ADIPOR2: variants seen among roughly 807,000 people sequenced by gnomAD.
The protein encoded by ADIPOR2 is adiponectin receptor 2, also known as adiponectin receptor protein 2.
ADIPOR2 carries 18 observed loss-of-function variants against 40.9 expected under a neutral mutation model. The observed-to-expected ratio is 0.44, with a 90% CI of 0.30 to 0.65. The LOEUF is 0.65. Ranked by LOEUF, ADIPOR2 falls within the 30% of genes least tolerant of loss-of-function variation. The pLI is 0.09. For missense variants in ADIPOR2, 283 were observed against 479.2 expected, an observed-to-expected ratio of 0.59 and a Z score of 3.82; for synonymous variants, 165 against 166.4, an observed-to-expected ratio of 0.99 and a Z score of 0.06.
chr12:1,762,433 T>G (rs1862289621), intron 2 of ADIPOR2, among the ~76,000 whole-genome samples: 1 of 152,114 alleles, frequency 6.6e-6, no homozygotes, highest in Admixed American at 6.5e-5. Flanking sequence ...ATCCTCAGAG[T>G]CTAACCTGGT....
chr12:1,754,325 A>G lies in ADIPOR2; in HGVS notation c.-19A>G. The G allele has an allele frequency of 6.4e-7, 1 of 1,570,118 alleles. No homozygotes were observed. Among genetic ancestry groups the G allele is most frequent in the Non-Finnish European group, 8.6e-7 (1 of 1,159,574 alleles). On this transcript the variant is annotated 5_prime_UTR_variant, in exon 2 of 8. Coordinates refer to ENST00000357103, the MANE Select transcript of ADIPOR2 (RefSeq NM_024551.3). ...GGACAGAAAGACAGATCTATTTGTA[A>G]GAAAGGCTTGGGTATCCCATGAACG...
At chr12:1,753,598 T>C (rs1862050101) in intron 1 of ADIPOR2, among the ~76,000 whole-genome samples, 1 of 152,234 alleles carries the variant, frequency 6.6e-6, no homozygotes, top group South Asian at 2.1e-4. Flanking sequence ...ACATTAAGCC[T>C]TTTGAATACA....
Position 1,770,046 on chromosome 12 carries a change from T to C in ADIPOR2, c.172-2796T>C, listed in dbSNP as rs1009241613. 2.6e-5 allele frequency among the ~76,000 whole-genome samples: 4 copies of C among 151,864 alleles called. No individual in the cohort carries two copies. In the East Asian group the frequency reaches 7.7e-4, roughly 29 times the overall value. On this transcript the variant is annotated intron_variant, in intron 2 of 7. Transcript: ENST00000357103. ...GAGTCCTCCCCCTCAGCCTCTTGAG[T>C]AGCTGGGACTGCAGACAGGCACGCA... is the stretch of plus-strand genomic sequence containing the variant.
chr12:1,779,233 A>G (rs1862663552), intron 4 of ADIPOR2, among the ~76,000 whole-genome samples: 1 of 152,262 alleles, frequency 6.6e-6, no homozygotes, highest in Non-Finnish European at 1.5e-5. Context: ...GTTTGCAGCA[A>G]CATTATTCAT....
chr12:1,745,403 C>G (rs1436319816), intron 1 of ADIPOR2, among the ~76,000 whole-genome samples: 4 of 152,190 alleles, frequency 2.6e-5, no homozygotes, highest in African/African-American at 9.6e-5. Context: ...TAGTACCCAT[C>G]AAGCAGAAAG....
intron 1 of ADIPOR2, among the ~76,000 whole-genome samples, chr12:1,729,356 T>G (rs1275895936): frequency 6.6e-6 from 1 of 152,016 alleles, no homozygotes; most frequent in African/African-American, 2.4e-5. Context: ...AGTTTAAAAA[T>G]TATTAAATAT....
At chr12:1,769,704 G>A (rs1862457674) in intron 2 of ADIPOR2, among the ~76,000 whole-genome samples, 1 of 151,964 alleles carries the variant, frequency 6.6e-6, no homozygotes, top group Non-Finnish European at 1.5e-5. Flanking sequence ...ACCTCACCTG[G>A]CTGATTCTTG....
intron 2 of ADIPOR2, among the ~76,000 whole-genome samples, chr12:1,754,857 G>A (rs1179261487): frequency 5.2e-5 from 3 of 57,490 alleles, no homozygotes; most frequent in African/African-American, 1.1e-4. Context: ...CTCGACTACA[G>A]GTACATGCCA....
At position 1,705,101 on chromosome 12, in the gene ADIPOR2, T is replaced by C. The variant is rs114824259; in HGVS notation, c.-87+13910T>C. On this transcript the variant is annotated intron_variant, in intron 1 of 7. Transcript: ENST00000357103. ...GCCCCGAATGATTGTTATTTAATAA[T>C]GGGAGAAAGGTGCTTTATCACTTCA... 4.4e-3 allele frequency among the ~76,000 whole-genome samples: 663 copies of C among 152,312 alleles called. 5 individuals are homozygous for C. Among genetic ancestry groups the C allele is most frequent in the African/African-American group, 0.015 (632 of 41,570 alleles).
intron 1 of ADIPOR2, among the ~76,000 whole-genome samples, chr12:1,742,156 G>C (rs974538014): frequency 6.6e-6 from 1 of 152,130 alleles, no homozygotes; most frequent in East Asian, 1.9e-4. Flanking sequence ...GCAGTGGTGC[G>C]ATCACAGCTG....
At chr12:1,712,811 A>G (rs534038241) in intron 1 of ADIPOR2, among the ~76,000 whole-genome samples, 10 of 152,246 alleles carry the variant, frequency 6.6e-5, no homozygotes, top group African/African-American at 2.4e-4. Context: ...GGGCGAGGAT[A>G]AGCCAGTATA....
chr12:1,784,030 C>T lies in ADIPOR2; in HGVS notation c.989C>T (p.Ala330Val). 6.2e-7 allele frequency: 1 copy of T among 1,605,262 alleles called. No homozygotes were observed. The highest frequency in any genetic ancestry group is 8.5e-7 in the Non-Finnish European group (1 of 1,175,430). Reference protein sequence around the residue: ...LYITGAALYAARIPERFFPGK... With the variant: ...LYITGAALYAVRIPERFFPGK... ...ATCACAGGAGCTGCCCTGTATGCTG[C>T]CCGGATCCCCGAACGCTTTTTCCCT... is the stretch of plus-strand genomic sequence containing the variant. Residue 330 changes from alanine to valine, a missense_variant, in exon 7 of 8, where the codon GCC (alanine) becomes GTC (valine). By Grantham distance (64) the Ala-to-Val change is moderately conservative (BLOSUM62 0). This residue lies in a region of ADIPOR2 where 106 missense variants were observed against 149.7 expected (regional missense o/e 0.71). Transcript: ENST00000357103.
chr12:1,749,980 G>A (rs1032033099), intron 1 of ADIPOR2, among the ~76,000 whole-genome samples: 1 of 151,642 alleles, frequency 6.6e-6, no homozygotes, highest in Non-Finnish European at 1.5e-5. Flanking sequence ...AGACTACACA[G>A]GTGCATGCCA....
intron 2 of ADIPOR2, among the ~76,000 whole-genome samples, chr12:1,758,903 T>G (rs1418702770): frequency 6.6e-6 from 1 of 152,236 alleles, no homozygotes; most frequent in Non-Finnish European, 1.5e-5. Context: ...TGATTTCTTT[T>G]TGAAAGTAGA....
chr12:1,734,942 G>T (rs2094727360), intron 1 of ADIPOR2, among the ~76,000 whole-genome samples: 1 of 151,596 alleles, frequency 6.6e-6, no homozygotes, highest in Non-Finnish European at 1.5e-5. Flanking sequence ...TGAGGGCTCT[G>T]TTCTGGTCTA....
At chr12:1,759,561 G>A (rs1162604458) in intron 2 of ADIPOR2, among the ~76,000 whole-genome samples, 5 of 152,138 alleles carry the variant, frequency 3.3e-5, no homozygotes, top group African/African-American at 9.7e-5. Flanking sequence ...TTTATTTACC[G>A]CCAGGTTTCT....
At chr12:1,758,153 G>T (rs1156334534) in intron 2 of ADIPOR2, 1 of 437,536 alleles carries the variant, frequency 2.3e-6, no homozygotes, top group African/African-American at 2.0e-5. Context: ...TTCACTGGTT[G>T]AAGTGGTATC....
At chr12:1,703,302 C>T (rs2094654301) in intron 1 of ADIPOR2, among the ~76,000 whole-genome samples, 1 of 152,082 alleles carries the variant, frequency 6.6e-6, no homozygotes, top group African/African-American at 2.4e-5. Context: ...TTTGCAGGCA[C>T]ATATGTATAT....
At chr12:1,720,529 A>G (rs2094695840) in intron 1 of ADIPOR2, among the ~76,000 whole-genome samples, 1 of 152,176 alleles carries the variant, frequency 6.6e-6, no homozygotes, top group South Asian at 2.1e-4. Flanking sequence ...GTGATGGGAG[A>G]CAGTGGCAGA....
Sources: allele counts gnomAD v4.1 joint callset (sites outside exome capture counted in the v4.1 genomes callset), GRCh38; gene constraint gnomAD v4.1.1; regional missense constraint gnomAD v4.1.1; transcripts MANE v1.5; gene names NCBI Gene and HGNC (gene_info 2026-07-23, HGNC 2026-07-21).